Variants in COL6A3 observed in about 807,000 individuals in gnomAD.
COL6A3 encodes collagen alpha-3(VI) chain.
In COL6A3, 137 loss-of-function variants were observed where a neutral mutation model predicts 274.1. The observed-to-expected ratio is 0.50, with a 90% CI of 0.44 to 0.58. The LOEUF (loss-of-function observed/expected upper bound fraction) is 0.58. COL6A3 is among the 20% of genes least tolerant of loss of function. The pLI, the probability that COL6A3 is intolerant of heterozygous loss-of-function variation, is 0.00. For synonymous variants in COL6A3, 1,650 were observed against 1,650.6 expected (o/e 1.00, Z 0.01); for missense variants, 3,950 against 4,124.9 (o/e 0.96, Z 1.16).
chr2:237,395,321 C>T lies in COL6A3; in HGVS notation c.92-117G>A, dbSNP rs748372301. 424 of 1,046,142 alleles carry T rather than the reference C, an allele frequency of 4.1e-4. 1 individual carries two copies. Among genetic ancestry groups the T allele is most frequent in the Middle Eastern group, 6.0e-4 (2 of 3,346 alleles). 64.8% of individuals were successfully genotyped at this position (1,046,142 alleles called of 1,614,324 possible). A position where few individuals can be genotyped will look rare whatever the true frequency, so the allele number is the denominator to read the frequency against. ...CTATACTGCTACTAAACACTTCACA[C>T]CTCACTGATAATACAGGAAGGTAGA... On this transcript the variant is annotated intron_variant, in intron 2 of 43. Coordinates refer to ENST00000295550, the MANE Select transcript of COL6A3 (RefSeq NM_004369.4).
intron 7 of COL6A3, among the ~76,000 whole-genome samples, chr2:237,376,222 C>T (rs907226525): frequency 6.6e-6 from 1 of 152,184 alleles, no homozygotes; most frequent in Non-Finnish European, 1.5e-5. Context: ...TTACTCTCTT[C>T]ACTGCATTTT....
chr2:237,410,343 G>A (rs2646252), intron 1 of COL6A3, among the ~76,000 whole-genome samples: 85,191 of 146,758 alleles, frequency 0.58, 24,578 homozygotes, highest in East Asian at 0.68. Context: ...TGGTTCTGTC[G>A]CCCAGGCGCT....
In COL6A3 at chr2:237,348,646, G is replaced by A. The variant is rs764508785; in HGVS notation, c.6897C>T (p.Asp2299=). 5.0e-5 allele frequency: 81 copies of A among 1,614,090 alleles called. No homozygotes were observed. The highest frequency in any genetic ancestry group is 4.7e-4 in the South Asian group (43 of 91,060). The change falls in exon 29 of 44, where the codon GAC becomes GAT. Residue 2299 remains aspartate (D), a synonymous_variant. Transcript: ENST00000295550. ...PRGETGDDGR[D]GVGSEGRRGK... is the part of the protein sequence containing the mutation. ...CTCTGCGTCCTTCACTGCCAACTCC[G>A]TCTCTCCCGTCATCTCCCTAAGAGT...
At chr2:237,334,191 G>T (rs984810575) in intron 41 of COL6A3, among the ~76,000 whole-genome samples, 1 of 152,186 alleles carries the variant, frequency 6.6e-6, no homozygotes, top group African/African-American at 2.4e-5. Context: ...TCCACCCCCG[G>T]GGCGGTGAGA....
chr2:237,348,665 T>C lies in COL6A3; in HGVS notation c.6880-2A>G, dbSNP rs750464509. The C allele has an allele frequency of 6.2e-7, 1 of 1,614,100 alleles. No individual in the cohort carries two copies. The stretch of plus-strand genomic sequence containing the variant: ...AACTCCGTCTCTCCCGTCATCTCCC[T>C]AAGAGTGGGAAAGAGATGTGACTGT... On this transcript the variant is annotated splice_acceptor_variant, in intron 28 of 43. Transcript: ENST00000295550. LOFTEE classifies it high-confidence loss of function.
At position 237,394,680 on chromosome 2, in the gene COL6A3, G is replaced by T. The variant is rs1559279057; in HGVS notation, c.616C>A (p.Leu206Ile). The T allele has an allele frequency of 6.2e-7, 1 of 1,614,252 alleles. No individual in the cohort carries two copies. The highest frequency in any genetic ancestry group is 8.5e-7 in the Non-Finnish European group (1 of 1,180,036). The part of the protein sequence containing the change: ...HMFNLENFTS[L>I]HDIVGNLVSC... ...ACTAAGTTTCCTACTATGTCATGAA[G>T]TGAGGTAAAATTCTCTAGGTTGAAC... Residue 206 changes from leucine to isoleucine, a missense_variant, in exon 3 of 44, where the codon CTT (leucine) becomes ATT (isoleucine). By Grantham distance (5) the Leu-to-Ile change is conservative (BLOSUM62 2). Coordinates refer to ENST00000295550, the MANE Select transcript of COL6A3 (RefSeq NM_004369.4).
At chr2:237,327,180 T>A (rs1233474155) in intron 42 of COL6A3, 2 of 152,224 alleles carry the variant, frequency 1.3e-5, no homozygotes, top group African/African-American at 4.8e-5. Flanking sequence ...AATTTAACCA[T>A]CAAAATTTAT....
intron 1 of COL6A3, among the ~76,000 whole-genome samples, chr2:237,412,810 C>T (rs1308053779): frequency 1.3e-5 from 2 of 152,084 alleles, no homozygotes; most frequent in African/African-American, 2.4e-5. Flanking sequence ...TGGTCCTCGC[C>T]GGGGTGAGCT....
At chr2:237,395,400 G>A (rs1308947166) in intron 2 of COL6A3, among the ~76,000 whole-genome samples, 196 bp from the exon 3 acceptor site, 2 of 152,146 alleles carry the variant, frequency 1.3e-5, no homozygotes, top group African/African-American at 4.8e-5. Context: ...AGCTGCTGGT[G>A]CCCAGTCACT....
At position 237,359,234 on chromosome 2, in the gene COL6A3, A is replaced by G; in HGVS notation, c.6326T>C (p.Ile2109Thr). ...FPGEKGEVGE[I>T]GLDGLDGEDG... ...TTCACCATCCAGACCATCCAGTCCA[A>G]TTTCTCCTACTTCGCCCTAAGAGGG... The change falls in exon 19 of 44, where the codon ATT becomes ACT. Residue 2109 changes from isoleucine (I) to threonine (T), a missense_variant. Ile to Thr is a moderately conservative substitution (Grantham distance 89, BLOSUM62 -1). Around this residue, in one of 5 missense-constraint regions of COL6A3, gnomAD observed 92 missense variants for 143.4 expected, o/e 0.64. Coordinates refer to ENST00000295550, the MANE Select transcript of COL6A3 (RefSeq NM_004369.4). 6.2e-7 allele frequency: 1 copy of G among 1,614,254 alleles called. No homozygotes were observed. The highest frequency in any genetic ancestry group is 8.5e-7 in the Non-Finnish European group (1 of 1,180,050).
rs200582974 is a variant in COL6A3, at chr2:237,361,697, G to A, written c.6156+42C>T. ...CCCACCAAAGTAATGTCGGGCTTCT[G>A]ACACCTCATCTCAGGCGTGGGCAAG... On this transcript the variant is annotated intron_variant, in intron 15 of 43. Coordinates refer to ENST00000295550, the MANE Select transcript of COL6A3 (RefSeq NM_004369.4). This position sits in a 1 kb window ranked among gnomAD's most constrained non-coding sequence, Gnocchi z 5.1. 44 of 1,541,956 alleles carry A rather than the reference G, an allele frequency of 2.9e-5. No individual in the cohort carries two copies. In the African/African-American group the frequency reaches 5.6e-4, roughly 20 times the overall value.
chr2:237,324,413 T>G lies in COL6A3; in HGVS notation c.*361A>C. 1 of 238,298 alleles carries G rather than the reference T, an allele frequency of 4.2e-6. No individual in the cohort carries two copies. Among genetic ancestry groups the G allele is most frequent in the Non-Finnish European group, 8.4e-6 (1 of 119,134 alleles). 14.8% of individuals were successfully genotyped at this position (238,298 alleles called of 1,614,324 possible). A position where few individuals can be genotyped will look rare whatever the true frequency, so the allele number is the denominator to read the frequency against. The stretch of plus-strand genomic sequence containing the variant: ...ATGAACCAAGCAAAAGTATATAGAG[T>G]AGCCGTGACATTTGCATTATTTTCT... On this transcript the variant is annotated 3_prime_UTR_variant, in exon 44 of 44. Transcript: ENST00000295550.
chr2:237,394,262 A>G (rs1239007571), intron 3 of COL6A3, among the ~76,000 whole-genome samples: 5 of 152,224 alleles, frequency 3.3e-5, no homozygotes. Flanking sequence ...GAGTTTGATC[A>G]GATGCACACC....
intron 42 of COL6A3, among the ~76,000 whole-genome samples, chr2:237,330,574 C>T (rs1700178144): frequency 6.6e-6 from 1 of 152,102 alleles, no homozygotes; most frequent in African/African-American, 2.4e-5. Flanking sequence ...TGGTTGCTAA[C>T]GATGCCCTAG....
chr2:237,377,530 G>A (rs2077881402), intron 6 of COL6A3, among the ~76,000 whole-genome samples, 186 bp from the exon 7 acceptor site: 1 of 152,158 alleles, frequency 6.6e-6, no homozygotes, highest in African/African-American at 2.4e-5. Context: ...TCAAATCAGT[G>A]CATATTTGCA....
chr2:237,372,153 G>A lies in COL6A3; in HGVS notation c.3864C>T (p.Ala1288=). 6.2e-7 allele frequency: 1 copy of A among 1,614,134 alleles called. No homozygotes were observed. Among genetic ancestry groups the A allele is most frequent in the Non-Finnish European group, 8.5e-7 (1 of 1,180,044 alleles). Residue 1288 remains alanine, a synonymous_variant, in exon 9 of 44, where the codon GCC becomes GCT. Coordinates refer to ENST00000295550, the MANE Select transcript of COL6A3 (RefSeq NM_004369.4). ...DDPKVEFLLN[A]HSSKDEVQNA... is the part of the protein sequence containing the mutation. ...TCTGCACTTCATCCTTGCTGGAATGGGCGTTCAGCAGGAACTCCACCTTGG... is the reference window on the plus strand; with the variant it reads ...TCTGCACTTCATCCTTGCTGGAATGAGCGTTCAGCAGGAACTCCACCTTGG...
In COL6A3 at chr2:237,344,965, C is replaced by A. The variant is rs1344800833; in HGVS notation, c.7163-13G>T. The A allele has an allele frequency of 6.2e-7, 1 of 1,614,102 alleles. No individual in the cohort carries two copies. Among genetic ancestry groups the A allele is most frequent in the South Asian group, 1.1e-5 (1 of 91,080 alleles). The stretch of plus-strand genomic sequence containing the variant: ...CCGTAACAGCAAGCTAGAAAAGAAG[C>A]AAAGAGAAGAAAGGGTGAGAGACTA... On this transcript the variant is annotated splice_polypyrimidine_tract_variant and intron_variant, in intron 34 of 43. Coordinates refer to ENST00000295550, the MANE Select transcript of COL6A3 (RefSeq NM_004369.4). The surrounding 1 kb of genome is among the most constrained non-coding windows in gnomAD (Gnocchi z 4.8).
Position 237,376,862 on chromosome 2 carries a change from G to C in COL6A3, c.2980C>G (p.Leu994Val). 6.2e-7 allele frequency: 1 copy of C among 1,614,244 alleles called. No homozygotes were observed. The highest frequency in any genetic ancestry group is 8.5e-7 in the Non-Finnish European group (1 of 1,180,046). The change falls in exon 7 of 44, where the codon CTG (leucine) becomes GTG (valine). Residue 994 changes from leucine (L) to valine (V), a missense_variant. Physicochemically the swap from Leu to Val is conservative, Grantham distance 32. Coordinates refer to ENST00000295550, the MANE Select transcript of COL6A3 (RefSeq NM_004369.4). ...EQIVLSPAFI[L>V]AAESLPKIGD... is the part of the protein sequence containing the mutation. The stretch of plus-strand genomic sequence containing the variant: ...ATCTTGGGAAGCGACTCTGCAGCCA[G>C]GATAAACGCTGGAGACAGCACGATC...
chr2:237,360,009 C>T (rs982155012), intron 17 of COL6A3, 79 bp downstream of exon 17: 1 of 1,447,858 alleles, frequency 6.9e-7, no homozygotes, highest in Non-Finnish European at 9.7e-7. Flanking sequence ...ACCAGCGCCT[C>T]CCTCCCTGGC....
Sources: gnomAD v4.1 joint callset for allele counts (sites outside exome capture counted in the v4.1 genomes callset) on GRCh38, gnomAD v4.1.1 for gene constraint, gnomAD v4.1.1 regional missense constraint, Gnocchi (gnomAD v3.1) non-coding constraint, MANE v1.5 for transcripts, NCBI Gene and HGNC (gene_info 2026-07-23, HGNC 2026-07-21) for gene names.